Variants in GRXCR1 observed in about 807,000 individuals in gnomAD.
GRXCR1 encodes the protein glutaredoxin and cysteine rich domain containing 1.
Under a neutral mutation model 27.3 loss-of-function variants are expected in GRXCR1, and 27 were observed. That is an observed-to-expected ratio of 0.99 (90% confidence interval 0.73 to 1.37). The LOEUF is 1.37. Among genes scored for constraint, GRXCR1 ranks in the 40% most tolerant of loss-of-function variants. GRXCR1 has a pLI of 0.00. For synonymous variants in GRXCR1, 122 were observed against 131.1 expected (o/e 0.93, Z 0.47); for missense variants, 379 against 354.4 (o/e 1.07, Z -0.56).
intron 2 of GRXCR1, among the ~76,000 whole-genome samples, chr4:42,973,189 G>A (rs1369339017): frequency 6.6e-6 from 1 of 152,002 alleles, no homozygotes; most frequent in African/African-American, 2.4e-5. Context: ...AACCCCTCCA[G>A]TTGTTTTTTC....
chr4:42,953,390 C>T (rs1747927719), intron 1 of GRXCR1, among the ~76,000 whole-genome samples: 1 of 152,132 alleles, frequency 6.6e-6, no homozygotes, highest in Non-Finnish European at 1.5e-5. Flanking sequence ...TTGAACCTGA[C>T]ACCATGTTAC....
intron 1 of GRXCR1, among the ~76,000 whole-genome samples, chr4:42,895,733 T>A (rs1335530959): frequency 6.6e-6 from 1 of 152,140 alleles, no homozygotes; most frequent in Non-Finnish European, 1.5e-5. Context: ...TATGTGTATG[T>A]CATTTGGGGT....
intron 2 of GRXCR1, among the ~76,000 whole-genome samples, chr4:43,014,459 T>A (rs1009881789): frequency 6.6e-6 from 1 of 152,178 alleles, no homozygotes; most frequent in African/African-American, 2.4e-5. Context: ...ACTCCTTCAA[T>A]GCCAGCCCTG....
chr4:42,949,183 C>G (rs1382644777), intron 1 of GRXCR1, among the ~76,000 whole-genome samples: 1 of 151,394 alleles, frequency 6.6e-6, no homozygotes, highest in Admixed American at 6.6e-5. Context: ...TTGAAACCCC[C>G]TCTCCACTAA....
At chr4:42,922,587 G>A (rs1747039781) in intron 1 of GRXCR1, among the ~76,000 whole-genome samples, 1 of 152,030 alleles carries the variant, frequency 6.6e-6, no homozygotes, top group Admixed American at 6.6e-5. Flanking sequence ...ATGTCCCCAT[G>A]TCCCCCATTA....
chr4:43,017,237 C>T (rs2109805625), intron 2 of GRXCR1, among the ~76,000 whole-genome samples: 1 of 152,310 alleles, frequency 6.6e-6, no homozygotes, highest in East Asian at 1.9e-4. Flanking sequence ...ACCTAGTCAA[C>T]AGTGAGTTCA....
intron 2 of GRXCR1, among the ~76,000 whole-genome samples, chr4:42,973,521 A>C (rs1410202320): frequency 4.0e-5 from 6 of 151,458 alleles, no homozygotes; most frequent in Admixed American, 4.0e-4. Context: ...ACACTCCAGT[A>C]TTCGTTTCTT....
chr4:43,025,961 G>A (rs10024434), intron 3 of GRXCR1, among the ~76,000 whole-genome samples: 3,399 of 144,208 alleles, frequency 0.024, 134 homozygotes, highest in African/African-American at 0.084. Context: ...GGGAAACAGA[G>A]CGAAACTCCG....
chr4:43,001,553 A>C (rs562538725), intron 2 of GRXCR1, among the ~76,000 whole-genome samples: 15 of 152,278 alleles, frequency 9.9e-5, no homozygotes, highest in African/African-American at 3.1e-4. Context: ...ACTCGTAAAA[A>C]CACATGTCCT....
At chr4:42,903,373 A>G (rs13125597) in intron 1 of GRXCR1, among the ~76,000 whole-genome samples, 25,691 of 124,520 alleles carry the variant, frequency 0.21, 3,555 homozygotes, top group Middle Eastern at 0.29. Context: ...GTGCAGTGGC[A>G]TGATCTCGGC....
chr4:42,904,642 T>A (rs1378605441), intron 1 of GRXCR1, among the ~76,000 whole-genome samples: 1 of 152,162 alleles, frequency 6.6e-6, no homozygotes, highest in East Asian at 1.9e-4. Flanking sequence ...ATGAATGAGT[T>A]ATTGTGTATA....
intron 2 of GRXCR1, among the ~76,000 whole-genome samples, chr4:42,992,097 C>T (rs1257792125): frequency 6.6e-6 from 1 of 152,078 alleles, no homozygotes; most frequent in Non-Finnish European, 1.5e-5. Context: ...TTTCCCTCCT[C>T]TCCTATATTC....
At chr4:42,916,054 T>C (rs1746878792) in intron 1 of GRXCR1, among the ~76,000 whole-genome samples, 1 of 150,362 alleles carries the variant, frequency 6.7e-6, no homozygotes, top group Admixed American at 6.7e-5. Flanking sequence ...AAAAATTCCG[T>C]ATGTTTGAAG....
chr4:42,938,848 T>C (rs558350418), intron 1 of GRXCR1, among the ~76,000 whole-genome samples: 2 of 151,432 alleles, frequency 1.3e-5, no homozygotes, highest in Admixed American at 6.6e-5. Context: ...CTGTATTCTG[T>C]TCCATTGGTC....
chr4:42,932,613 TATATATAG>T (rs1314008894), intron 1 of GRXCR1, among the ~76,000 whole-genome samples: 19 of 39,320 alleles, frequency 4.8e-4, no homozygotes, highest in Non-Finnish European at 6.8e-4. Flanking sequence ...TATATATATA[TATATATAG>T]AGAGAGAGAG....
intron 2 of GRXCR1, among the ~76,000 whole-genome samples, chr4:42,986,837 G>A (rs1036987151): frequency 2.6e-5 from 4 of 152,006 alleles, no homozygotes; most frequent in African/African-American, 9.7e-5. Context: ...ATGTCTCCTT[G>A]TAGAGCCTCC....
rs183448099 is a variant in GRXCR1, at chr4:42,997,832, C to G, written c.628-22522C>G. 4.9e-3 allele frequency among the ~76,000 whole-genome samples: 739 copies of G among 152,298 alleles called. 7 individuals carry two copies. The highest frequency in any genetic ancestry group is 6.0e-3 in the Non-Finnish European group (410 of 68,022). On this transcript the variant is annotated intron_variant, in intron 2 of 3. Transcript: ENST00000399770. Reference sequence around the variant, plus strand: ...CATTTCTGCCTCTCTCCCTCTGCCTCCTAATGATCCCAGTTCTTCCCTGTG... The same window carrying G: ...CATTTCTGCCTCTCTCCCTCTGCCTGCTAATGATCCCAGTTCTTCCCTGTG...
chr4:42,941,209 G>C (rs1007400787), intron 1 of GRXCR1, among the ~76,000 whole-genome samples: 7 of 151,982 alleles, frequency 4.6e-5, no homozygotes, highest in African/African-American at 1.7e-4. Context: ...CCCTAGATAA[G>C]AGCCTGGCAT....
intron 2 of GRXCR1, among the ~76,000 whole-genome samples, chr4:43,004,470 C>G (rs1286415861): frequency 6.6e-6 from 1 of 152,178 alleles, no homozygotes; most frequent in African/African-American, 2.4e-5. Flanking sequence ...GGTAGATCCA[C>G]TGACAGCATG....
Sources: allele counts gnomAD v4.1 joint callset (sites outside exome capture counted in the v4.1 genomes callset), GRCh38; gene constraint gnomAD v4.1.1; transcripts MANE v1.5; gene names NCBI Gene and HGNC (gene_info 2026-07-23, HGNC 2026-07-21).